Variants in OSBPL3 observed in about 807,000 individuals in gnomAD.
OSBPL3 encodes the protein oxysterol-binding protein-related protein 3.
Under a neutral mutation model 120.1 loss-of-function variants are expected in OSBPL3, and 65 were observed. The ratio of observed to expected loss-of-function variants is 0.54; its 90% CI spans 0.44 to 0.67. OSBPL3 has a LOEUF of 0.67. OSBPL3 is among the 30% of genes least tolerant of loss of function. The pLI, the probability that OSBPL3 is intolerant of heterozygous loss-of-function variation, is 0.00. For synonymous variants in OSBPL3, 416 were observed against 402.6 expected (o/e 1.03, Z -0.40); for missense variants, 1,004 against 1,082.1 (o/e 0.93, Z 1.01).
chr7:24,800,411 C>A, intron 22 of OSBPL3, 132 bp from the exon 23 acceptor site: 1 of 541,452 alleles, frequency 1.8e-6, no homozygotes, highest in South Asian at 2.5e-5. Context: ...AGTGTTGGGA[C>A]CGGGAATTCT....
At position 24,947,983 on chromosome 7, in the gene OSBPL3, T is replaced by C. The variant is rs537577137; in HGVS notation, c.-150+31903A>G. ...AATGATTTTTTTAATCCAATGTTCA[T>C]TTCTAAATCTTTTTCAAGAAATAAA... On this transcript the variant is annotated intron_variant, in intron 1 of 22. Transcript: ENST00000313367. The surrounding 1 kb of genome is among the most constrained non-coding windows in gnomAD (Gnocchi z 4.4). Among the ~76,000 whole-genome samples the C allele has an allele frequency of 3.0e-4, 45 of 152,260 alleles. 1 individual carries two copies. The South Asian group carries it at 7.1e-3, about 24-fold the overall frequency.
Position 24,835,893 on chromosome 7 carries a change from C to T in OSBPL3, c.1496-1157G>A, listed in dbSNP as rs534067000. Among the ~76,000 whole-genome samples the T allele has an allele frequency of 4.6e-5, 7 of 152,210 alleles. No homozygotes were observed. In the South Asian group the frequency reaches 1.5e-3, roughly 32 times the overall value. On this transcript the variant is annotated intron_variant, in intron 14 of 22. Coordinates refer to ENST00000313367, the MANE Select transcript of OSBPL3 (RefSeq NM_015550.4). The surrounding 1 kb of genome is among the most constrained non-coding windows in gnomAD (Gnocchi z 4.8). ...TGAACATAAAGAAGGGAACCATAGACACCAGGGCCTACTGGAATGTGGAGA... is the reference window on the plus strand; with the variant it reads ...TGAACATAAAGAAGGGAACCATAGATACCAGGGCCTACTGGAATGTGGAGA...
chr7:24,941,234 CCA>C (rs1293275203), intron 1 of OSBPL3, among the ~76,000 whole-genome samples: 4 of 152,154 alleles, frequency 2.6e-5, no homozygotes, highest in Non-Finnish European at 5.9e-5. Flanking sequence ...CCTAAAAATT[CCA>C]GTCTACTATC....
At chr7:24,837,409 G>T (rs1797143179) in intron 14 of OSBPL3, among the ~76,000 whole-genome samples, 1 of 151,812 alleles carries the variant, frequency 6.6e-6, no homozygotes, top group African/African-American at 2.4e-5. Context: ...TTGCTATGTT[G>T]CGCAGGCTGG....
chr7:24,858,458 T>C (rs890193002), intron 10 of OSBPL3, among the ~76,000 whole-genome samples: 1 of 152,228 alleles, frequency 6.6e-6, no homozygotes, highest in African/African-American at 2.4e-5. Flanking sequence ...GCTGTCTTTA[T>C]TCTCTGAGGC....
chr7:24,843,895 C>T (rs75398976), intron 12 of OSBPL3, among the ~76,000 whole-genome samples: 4,443 of 152,324 alleles, frequency 0.029, 140 homozygotes, highest in African/African-American at 0.067. Context: ...GAGAATAGTC[C>T]TGTGTCTTCC....
chr7:24,849,480 A>G lies in OSBPL3; in HGVS notation c.1159-304T>C. 4.8e-6 allele frequency: 1 copy of G among 210,320 alleles called. No homozygotes were observed. Among genetic ancestry groups the G allele is most frequent in the South Asian group, 8.3e-5 (1 of 12,002 alleles). 13.0% of individuals were successfully genotyped at this position (210,320 alleles called of 1,614,324 possible). On this transcript the variant is annotated intron_variant, in intron 11 of 22. Coordinates refer to ENST00000313367, the MANE Select transcript of OSBPL3 (RefSeq NM_015550.4). This position sits in a 1 kb window ranked among gnomAD's most constrained non-coding sequence, Gnocchi z 5.4. ...TCACAGACACTGTCGGCTTCTGTTA[A>G]GACCAGTGGTTCCACAGCATCTCCT...
chr7:24,865,653 C>A (rs144325323), intron 6 of OSBPL3, among the ~76,000 whole-genome samples, 188 bp from the exon 7 acceptor site: 1 of 152,180 alleles, frequency 6.6e-6, no homozygotes, highest in Non-Finnish European at 1.5e-5. Flanking sequence ...TGCTATGATA[C>A]GACATGCCTT....
chr7:24,925,052 A>G lies in OSBPL3; in HGVS notation c.-149-32431T>C, dbSNP rs565956918. Among the ~76,000 whole-genome samples the G allele has an allele frequency of 3.3e-5, 5 of 152,362 alleles. No homozygotes were observed. The South Asian group carries it at 1.0e-3, about 32-fold the overall frequency. ...TAAGAGCCAGTGGAACTATACATAC[A>G]ATTAACATTCAAAAAACGTTACTAA... On this transcript the variant is annotated intron_variant, in intron 1 of 22. Transcript: ENST00000313367.
chr7:24,976,838 G>A (rs1817641759), intron 1 of OSBPL3, among the ~76,000 whole-genome samples: 1 of 152,180 alleles, frequency 6.6e-6, no homozygotes, highest in Non-Finnish European at 1.5e-5. Context: ...CTCTTATGCA[G>A]GGGGAAATGT....
intron 1 of OSBPL3, among the ~76,000 whole-genome samples, chr7:24,977,423 C>G (rs933232304): frequency 6.6e-6 from 1 of 152,096 alleles, no homozygotes; most frequent in East Asian, 1.9e-4. Context: ...ATTAGTGGGG[C>G]GAGAATTGAA....
intron 1 of OSBPL3, among the ~76,000 whole-genome samples, chr7:24,895,168 T>A (rs1182726731): frequency 6.6e-6 from 1 of 152,146 alleles, no homozygotes; most frequent in African/African-American, 2.4e-5. Flanking sequence ...GTAAAGGAAG[T>A]CAAATTTCAA....
chr7:24,920,519 T>C (rs193245198), intron 1 of OSBPL3, among the ~76,000 whole-genome samples: 1 of 152,242 alleles, frequency 6.6e-6, no homozygotes, highest in South Asian at 2.1e-4. Flanking sequence ...ATGGAGTTTC[T>C]TTTTGAGTGA....
chr7:24,840,765 A>AAG lies in OSBPL3; in HGVS notation c.1419_1420insCT (p.Tyr474LeufsTer6). 7.0e-7 allele frequency: 1 copy of AAG among 1,430,428 alleles called. No individual in the cohort carries two copies. The highest frequency in any genetic ancestry group is 9.7e-7 in the Non-Finnish European group (1 of 1,034,626). The allele number at this position is 1,430,428 out of a possible 1,614,324, so 88.6% of individuals were successfully genotyped here. Reference sequence around the variant, plus strand: ...AGATTATCACTTATGTCACTGACATATGAGTCATCATCAGAAATCTATGGG... The same window carrying AAG: ...AGATTATCACTTATGTCACTGACATAAGTGAGTCATCATCAGAAATCTATGGG... On this transcript the variant is annotated frameshift_variant, in exon 14 of 23. Coordinates refer to ENST00000313367, the MANE Select transcript of OSBPL3 (RefSeq NM_015550.4). LOFTEE classifies it high-confidence loss of function.
intron 1 of OSBPL3, among the ~76,000 whole-genome samples, chr7:24,934,788 TC>T (rs1447414180): frequency 6.6e-6 from 1 of 152,192 alleles, no homozygotes; most frequent in Non-Finnish European, 1.5e-5. Context: ...TGTCTTCTGT[TC>T]CTTGGCTTGG....
chr7:24,958,950 G>A (rs1441031298), intron 1 of OSBPL3, among the ~76,000 whole-genome samples: 1 of 152,090 alleles, frequency 6.6e-6, no homozygotes, highest in Non-Finnish European at 1.5e-5. Context: ...CTGAAATTCT[G>A]GCTGGGACTT....
Position 24,975,183 on chromosome 7 carries a change from T to C in OSBPL3, c.-150+4703A>G, listed in dbSNP as rs550933202. ...TTTAGTAACAGCATTACCGTAGATA[T>C]GAAAAAATAGTACATAACATAGGCA... is the stretch of plus-strand genomic sequence containing the variant. On this transcript the variant is annotated intron_variant, in intron 1 of 22. Transcript: ENST00000313367. Among the ~76,000 whole-genome samples the C allele has an allele frequency of 5.9e-5, 9 of 152,336 alleles. No homozygotes were observed. The South Asian group carries it at 1.9e-3, about 32-fold the overall frequency.
Position 24,867,657 on chromosome 7 carries a change from T to C in OSBPL3, c.382-1420A>G, listed in dbSNP as rs536014277. 1.3e-5 allele frequency among the ~76,000 whole-genome samples: 2 copies of C among 152,366 alleles called. No individual in the cohort carries two copies. Among genetic ancestry groups the C allele is most frequent in the East Asian group, 3.9e-4 (2 of 5,192 alleles). ...TGACTGTGAGACCTCCCCAGCCATG[T>C]GGAACTGTAAGTCTATTAAACCTCT... On this transcript the variant is annotated intron_variant, in intron 5 of 22. Transcript: ENST00000313367. The surrounding 1 kb of genome is among the most constrained non-coding windows in gnomAD (Gnocchi z 4.5).
At position 24,900,450 on chromosome 7, in the gene OSBPL3, A is replaced by G. The variant is rs1806823046; in HGVS notation, c.-149-7829T>C. ...CGTATATATCGTTTCACTTGAAGTC[A>G]CAGTTTCCAAGAACTTATCAATGAA... On this transcript the variant is annotated intron_variant, in intron 1 of 22. Coordinates refer to ENST00000313367, the MANE Select transcript of OSBPL3 (RefSeq NM_015550.4). The surrounding 1 kb of genome is among the most constrained non-coding windows in gnomAD (Gnocchi z 4.5). Among the ~76,000 whole-genome samples the G allele has an allele frequency of 1.3e-5, 2 of 152,200 alleles. No individual in the cohort carries two copies. Among genetic ancestry groups the G allele is most frequent in the Admixed American group, 6.5e-5 (1 of 15,284 alleles).
Sources: allele counts gnomAD v4.1 joint callset (sites outside exome capture counted in the v4.1 genomes callset), GRCh38; gene constraint gnomAD v4.1.1; non-coding constraint Gnocchi (gnomAD v3.1); transcripts MANE v1.5; gene names NCBI Gene and HGNC (gene_info 2026-07-23, HGNC 2026-07-21).